JMJD1C: variants seen among roughly 807,000 people sequenced by gnomAD.
JMJD1C encodes jumonji domain containing 1C, also known as jumonji domain-containing protein 1C.
In JMJD1C, 31 loss-of-function variants were observed where a neutral mutation model predicts 245.3. The ratio of observed to expected loss-of-function variants is 0.13; its 90% CI spans 0.09 to 0.17. The LOEUF (loss-of-function observed/expected upper bound fraction) is 0.17. Among genes scored for constraint, JMJD1C ranks in the 10% least tolerant of loss-of-function variants. The pLI, the probability that JMJD1C is intolerant of heterozygous loss-of-function variation, is 1.00. For missense variants in JMJD1C, 2,691 were observed against 3,000.2 expected (o/e 0.90, Z 2.41); for synonymous variants, 1,057 against 1,017.4 (o/e 1.04, Z -0.74).
At chr10:63,425,449 T>C (rs1589724241) in intron 1 of JMJD1C, among the ~76,000 whole-genome samples, 1 of 148,554 alleles carries the variant, frequency 6.7e-6, no homozygotes, top group African/African-American at 2.4e-5. Flanking sequence ...CTCTAAACCA[T>C]GTCCAAACTG....
intron 2 of JMJD1C, among the ~76,000 whole-genome samples, chr10:63,337,695 G>A (rs540455595): frequency 1.3e-5 from 2 of 151,930 alleles, no homozygotes; most frequent in East Asian, 3.9e-4. Context: ...CTGTTCCTTG[G>A]GGAAGCCTCA....
intron 1 of JMJD1C, among the ~76,000 whole-genome samples, chr10:63,461,758 G>T (rs1952813992): frequency 6.6e-6 from 1 of 152,010 alleles, no homozygotes; most frequent in Non-Finnish European, 1.5e-5. Flanking sequence ...GACAGAACTG[G>T]CTTGAAAACA....
chr10:63,315,855 C>A (rs373736273), intron 2 of JMJD1C, among the ~76,000 whole-genome samples: 11 of 129,178 alleles, frequency 8.5e-5, no homozygotes, highest in Admixed American at 3.8e-4. Context: ...AAAAAAAAAA[C>A]ACCACGAAAA....
At chr10:63,521,524 T>C (rs760363200) in intron 1 of JMJD1C, 2 of 1,412,952 alleles carry the variant, frequency 1.4e-6, no homozygotes, top group South Asian at 3.0e-5. Flanking sequence ...GCCCCGGACG[T>C]GGGGCCCAAG....
intron 2 of JMJD1C, among the ~76,000 whole-genome samples, chr10:63,294,354 G>A (rs998122411): frequency 7.9e-5 from 12 of 151,100 alleles, no homozygotes; most frequent in African/African-American, 2.4e-4. Flanking sequence ...GTATCATCTC[G>A]GCTCACTGTA....
At chr10:63,389,778 A>T (rs1161028749) in intron 1 of JMJD1C, among the ~76,000 whole-genome samples, 7 of 152,190 alleles carry the variant, frequency 4.6e-5, no homozygotes, top group Non-Finnish European at 7.3e-5. Context: ...AGTGAACAAC[A>T]TGCTCCTAAA....
At chr10:63,509,701 G>A (rs987049599) in intron 1 of JMJD1C, among the ~76,000 whole-genome samples, 5 of 152,180 alleles carry the variant, frequency 3.3e-5, no homozygotes, top group Non-Finnish European at 7.3e-5. Context: ...CACAGGGTCA[G>A]TGATAATATT....
At chr10:63,222,261 CAG>C in intron 3 of JMJD1C, 3 of 832,606 alleles carry the variant, frequency 3.6e-6, no homozygotes, top group Non-Finnish European at 6.4e-6. Context: ...CAGGATGTAA[CAG>C]GGAGAGCTGT....
intron 1 of JMJD1C, among the ~76,000 whole-genome samples, chr10:63,390,895 A>T (rs1947998627): frequency 6.6e-6 from 1 of 152,070 alleles, no homozygotes; most frequent in Admixed American, 6.5e-5. Context: ...ATAATATTGA[A>T]TGGGGAAAAC....
intron 3 of JMJD1C, 113 bp downstream of exon 3, chr10:63,264,538 C>G (rs1022208761): frequency 8.2e-5 from 47 of 570,062 alleles, no homozygotes; most frequent in Admixed American, 2.5e-4. Flanking sequence ...GGGTTTTTCA[C>G]ACAACTAGAA....
chr10:63,241,947 A>G (rs888240739), intron 3 of JMJD1C, among the ~76,000 whole-genome samples: 1 of 152,208 alleles, frequency 6.6e-6, no homozygotes, highest in Admixed American at 6.5e-5. Context: ...GAAAGCAGGT[A>G]AGGAGAGGTA....
At chr10:63,457,234 G>A (rs1952472095) in intron 1 of JMJD1C, among the ~76,000 whole-genome samples, 1 of 152,156 alleles carries the variant, frequency 6.6e-6, no homozygotes, top group South Asian at 2.1e-4. Flanking sequence ...GAAATCTGCA[G>A]AACTAAGTTA....
chr10:63,364,347 T>C (rs573956775), intron 2 of JMJD1C, among the ~76,000 whole-genome samples: 1 of 152,254 alleles, frequency 6.6e-6, no homozygotes, highest in South Asian at 2.1e-4. Flanking sequence ...CCTGGCCCAG[T>C]TTTCTTTAAT....
chr10:63,213,420 T>A (rs1847602758), intron 8 of JMJD1C, 53 bp downstream of exon 8: 2 of 987,494 alleles, frequency 2.0e-6, no homozygotes, highest in African/African-American at 1.6e-5. Context: ...AAAAAGCACC[T>A]GTACATGTTC....
rs151073492 is a variant in JMJD1C, at chr10:63,309,878, T to C, written c.334-45114A>G. 7.2e-5 allele frequency among the ~76,000 whole-genome samples: 11 copies of C among 152,040 alleles called. No homozygotes were observed. In the East Asian group the frequency reaches 9.7e-4, roughly 13 times the overall value. ...GTTGCCGTGAGCCAAGATCGCGCCA[T>C]TGCACTCCAGCCTGGGCGACAGAAC... On this transcript the variant is annotated intron_variant, in intron 2 of 25. Transcript: ENST00000399262.
At chr10:63,284,367 T>C (rs142982112) in intron 2 of JMJD1C, among the ~76,000 whole-genome samples, 3 of 152,238 alleles carry the variant, frequency 2.0e-5, no homozygotes, top group African/African-American at 4.8e-5. Context: ...GTGAATTAGA[T>C]TGAGCTTTGT....
intron 1 of JMJD1C, among the ~76,000 whole-genome samples, chr10:63,485,239 C>T (rs898375530): frequency 4.6e-5 from 7 of 151,886 alleles, no homozygotes; most frequent in African/African-American, 1.7e-4. Flanking sequence ...TGAAATGAAA[C>T]GCTACTAGAA....
chr10:63,246,023 C>T (rs1023802710), intron 3 of JMJD1C, among the ~76,000 whole-genome samples: 2 of 151,826 alleles, frequency 1.3e-5, no homozygotes, highest in African/African-American at 2.4e-5. Flanking sequence ...TTTAAGAATC[C>T]TGTCAGAGAA....
At chr10:63,342,650 A>G (rs1296342839) in intron 2 of JMJD1C, among the ~76,000 whole-genome samples, 1 of 152,260 alleles carries the variant, frequency 6.6e-6, no homozygotes, top group African/African-American at 2.4e-5. Flanking sequence ...CTGATTAGTT[A>G]CAGTGAACAC....
Sources: allele counts gnomAD v4.1 joint callset (sites outside exome capture counted in the v4.1 genomes callset), GRCh38; gene constraint gnomAD v4.1.1; transcripts MANE v1.5; gene names NCBI Gene and HGNC (gene_info 2026-07-23, HGNC 2026-07-21).